The following COL22A1 variants were observed in gnomAD, a reference collection of about 807,000 sequenced individuals.
The protein encoded by COL22A1 is collagen type XXII alpha 1 chain, also known as collagen alpha-1(XXII) chain.
Under a neutral mutation model 248.9 loss-of-function variants are expected in COL22A1, and 221 were observed. The ratio of observed to expected loss-of-function variants is 0.89; its 90% CI spans 0.80 to 0.99. COL22A1 has a LOEUF of 0.99. Among genes scored for constraint, COL22A1 ranks in the 50% least tolerant of loss-of-function variants. The probability of loss-of-function intolerance (pLI) is 0.00; values close to 1 mark genes in which losing one functional copy is unlikely to be tolerated. For synonymous variants in COL22A1, 891 were observed against 793.4 expected (o/e 1.12, Z -2.07); for missense variants, 2,240 against 2,179.0 (o/e 1.03, Z -0.56).
chr8:138,842,150 T>G (rs182456348), intron 4 of COL22A1, among the ~76,000 whole-genome samples: 192 of 152,336 alleles, frequency 1.3e-3, no homozygotes, highest in African/African-American at 4.3e-3. Context: ...CTCAGGCAAG[T>G]GGCTCAATCT....
Position 138,627,161 on chromosome 8 carries a change from G to A in COL22A1, c.3664-918C>T, listed in dbSNP as rs139694503. 7.6e-3 allele frequency among the ~76,000 whole-genome samples: 1,157 copies of A among 152,282 alleles called. 13 individuals carry two copies. The highest frequency in any genetic ancestry group is 0.024 in the African/African-American group (1,009 of 41,550). ...ACCTAAAAACACATAAGAAAATTAA[G>A]TGGATATTTTTGTTCAACCCAAGAC... On this transcript the variant is annotated intron_variant, in intron 50 of 64. Transcript: ENST00000303045.
chr8:138,779,580 C>T lies in COL22A1; in HGVS notation c.1651-18G>A. 6.2e-7 allele frequency: 1 copy of T among 1,604,650 alleles called. No homozygotes were observed. Among genetic ancestry groups the T allele is most frequent in the Non-Finnish European group, 8.5e-7 (1 of 1,171,396 alleles). On this transcript the variant is annotated intron_variant, in intron 13 of 64. Coordinates refer to ENST00000303045, the MANE Select transcript of COL22A1 (RefSeq NM_152888.3). ...GGCTCCCCCTGAACAAACAAAACAA[C>T]ACAAAGTCATAGGCAGTGGGACACA...
At chr8:138,720,814 G>A in intron 26 of COL22A1, 22 bp from the exon 27 acceptor site, 1 of 1,593,280 alleles carries the variant, frequency 6.3e-7, no homozygotes, top group Non-Finnish European at 8.6e-7. Flanking sequence ...ACAGAGCAAA[G>A]TTAACAGGAG....
At chr8:138,607,903 G>C in intron 57 of COL22A1, 33 bp downstream of exon 57, 1 of 1,607,654 alleles carries the variant, frequency 6.2e-7, no homozygotes, top group Non-Finnish European at 8.5e-7. Flanking sequence ...AGCCCACCCT[G>C]ATGCCATCAC....
chr8:138,606,285 G>A, intron 58 of COL22A1, 96 bp downstream of exon 58: 1 of 1,133,218 alleles, frequency 8.8e-7, no homozygotes, highest in Non-Finnish European at 1.3e-6. Context: ...TGAGCAGACA[G>A]AACTGAGGAC....
chr8:138,750,360 G>A (rs1341861352), intron 22 of COL22A1, among the ~76,000 whole-genome samples: 3 of 152,150 alleles, frequency 2.0e-5, no homozygotes, highest in Non-Finnish European at 4.4e-5. Flanking sequence ...AGGGTTATAG[G>A]AGGCACAGTT....
chr8:138,824,298 T>C (rs1819397010), intron 6 of COL22A1, among the ~76,000 whole-genome samples: 1 of 152,230 alleles, frequency 6.6e-6, no homozygotes, highest in Admixed American at 6.5e-5. Flanking sequence ...GTCCGATGTC[T>C]TGTGTTTACC....
chr8:138,727,343 C>T (rs929367648), intron 23 of COL22A1, among the ~76,000 whole-genome samples: 3 of 152,090 alleles, frequency 2.0e-5, no homozygotes, highest in South Asian at 4.2e-4. Flanking sequence ...TTAAACTCTC[C>T]CTGCTCCGTG....
intron 9 of COL22A1, among the ~76,000 whole-genome samples, chr8:138,808,971 T>C (rs1381998695): frequency 6.6e-6 from 1 of 152,228 alleles, no homozygotes; most frequent in African/African-American, 2.4e-5. Context: ...GCAAACTCAA[T>C]TGAAGTTTTA....
intron 33 of COL22A1, 84 bp from the exon 34 acceptor site, chr8:138,694,645 G>A (rs10109299): frequency 0.072 from 105,518 of 1,467,586 alleles, 6,566 homozygotes; most frequent in African/African-American, 0.32. Flanking sequence ...GTTGCAATGG[G>A]TATAATTTGA....
At chr8:138,853,165 A>C (rs747180766) in intron 3 of COL22A1, among the ~76,000 whole-genome samples, 1 of 152,070 alleles carries the variant, frequency 6.6e-6, no homozygotes, top group Non-Finnish European at 1.5e-5. Context: ...ACAGAGAAAG[A>C]CCTGGTCTCA....
intron 32 of COL22A1, among the ~76,000 whole-genome samples, chr8:138,695,389 T>G (rs1222079626): frequency 6.6e-6 from 1 of 152,140 alleles, no homozygotes; most frequent in African/African-American, 2.4e-5. Context: ...AGATGGGGTC[T>G]CATTATACTG....
At chr8:138,796,656 A>C (rs1484298192) in intron 12 of COL22A1, among the ~76,000 whole-genome samples, 163 bp downstream of exon 12, 1 of 151,710 alleles carries the variant, frequency 6.6e-6, no homozygotes, top group Non-Finnish European at 1.5e-5. Context: ...TCAACCACCC[A>C]AGCCATGGAG....
intron 8 of COL22A1, 107 bp from the exon 9 acceptor site, chr8:138,812,028 G>T: frequency 7.7e-7 from 1 of 1,298,040 alleles, no homozygotes; most frequent in South Asian, 1.5e-5. Flanking sequence ...GCCAAAGGTT[G>T]AGAAAACGCT....
intron 10 of COL22A1, among the ~76,000 whole-genome samples, chr8:138,804,674 G>C (rs1362382409): frequency 6.6e-6 from 1 of 152,168 alleles, no homozygotes; most frequent in Non-Finnish European, 1.5e-5. Flanking sequence ...ACTCACCAGG[G>C]GAGAGGAGCT....
chr8:138,595,748 CAG>C (rs1817489501), intron 62 of COL22A1, among the ~76,000 whole-genome samples: 1 of 152,144 alleles, frequency 6.6e-6, no homozygotes, highest in Middle Eastern at 3.4e-3. Flanking sequence ...GCTCCCAGCA[CAG>C]ACTCTCGCAA....
chr8:138,664,205 GCGCGCA>G (rs1460600205), intron 41 of COL22A1, among the ~76,000 whole-genome samples: 383 of 96,974 alleles, frequency 3.9e-3, no homozygotes, highest in African/African-American at 0.011. Context: ...GCGCGCGCGC[GCGCGCA>G]CACACACACA....
At position 138,660,450 on chromosome 8, in the gene COL22A1, G is replaced by A. The variant is rs756025862; in HGVS notation, c.3271C>T (p.Pro1091Ser). The A allele has an allele frequency of 1.7e-5, 27 of 1,613,122 alleles. No individual in the cohort carries two copies. The highest frequency in any genetic ancestry group is 2.1e-5 in the Non-Finnish European group (25 of 1,179,214). ...AGATGACATACCGGCTTGCCAGGAG[G>A]CCCTCTTTCTCCTGGATTTCCTGGT... ...GAPGNPGERG[P>S]PGKPGLSSLL... Residue 1091 changes from proline to serine, a missense_variant, in exon 44 of 65, where the codon CCT becomes TCT. By Grantham distance (74) the Pro-to-Ser change is moderately conservative. Coordinates refer to ENST00000303045, the MANE Select transcript of COL22A1 (RefSeq NM_152888.3).
chr8:138,656,016 G>T, intron 44 of COL22A1, 72 bp from the exon 45 acceptor site: 1 of 1,272,268 alleles, frequency 7.9e-7, no homozygotes, highest in Non-Finnish European at 1.1e-6. Flanking sequence ...TCTTCAGAAA[G>T]CAAAAGGACT....
Sources: gnomAD v4.1 joint callset for allele counts (sites outside exome capture counted in the v4.1 genomes callset) on GRCh38, gnomAD v4.1.1 for gene constraint, MANE v1.5 for transcripts, NCBI Gene and HGNC (gene_info 2026-07-23, HGNC 2026-07-21) for gene names.